Variants in NOX4 observed in about 807,000 individuals in gnomAD.
NOX4 encodes kidney oxidase-1.
A neutral mutation model predicts 87.6 loss-of-function variants in NOX4; 69 were observed. That is an observed-to-expected ratio of 0.79 (90% confidence interval 0.65 to 0.96). The LOEUF (loss-of-function observed/expected upper bound fraction) is 0.96, where lower values mean the gene tolerates loss of function less well. Ranked by LOEUF, NOX4 falls within the 40% of genes least tolerant of loss-of-function variation. NOX4 has a pLI of 0.00. For missense variants in NOX4, 680 were observed against 681.5 expected (o/e 1.00, Z 0.02); for synonymous variants, 275 against 238.2 (o/e 1.15, Z -1.42).
chr11:89,501,757 G>C (rs559652368), upstream of NOX4, among the ~76,000 whole-genome samples: 1 of 152,006 alleles, frequency 6.6e-6, no homozygotes, highest in Non-Finnish European at 1.5e-5. Flanking sequence ...AGGGGGCAAT[G>C]GACGAAGAAA....
chr11:89,549,489 C>G, the NOX4 span, among the ~76,000 whole-genome samples: 1 of 152,172 alleles, frequency 6.6e-6, no homozygotes, highest in African/African-American at 2.4e-5. Flanking sequence ...ACAATAAGTA[C>G]ATTTTAATTT....
chr11:89,428,078 G>A (rs567891875), intron 7 of NOX4, among the ~76,000 whole-genome samples: 3 of 152,154 alleles, frequency 2.0e-5, no homozygotes, highest in Admixed American at 2.0e-4. Context: ...CATTCTTAAA[G>A]AAAAGAATTT....
At chr11:89,437,586 G>T (rs928546146) in intron 6 of NOX4, among the ~76,000 whole-genome samples, 5 of 151,844 alleles carry the variant, frequency 3.3e-5, no homozygotes, top group African/African-American at 9.7e-5. Flanking sequence ...GTGAGAATGG[G>T]CCACCAAAAT....
At chr11:89,445,426 T>G (rs1156855315) in intron 4 of NOX4, among the ~76,000 whole-genome samples, 4 of 152,046 alleles carry the variant, frequency 2.6e-5, no homozygotes, top group African/African-American at 9.7e-5. Context: ...ATTTATAAGG[T>G]CCTTCAAGTA....
intron 2 of NOX4, among the ~76,000 whole-genome samples, chr11:89,455,127 T>C (rs1945131023): frequency 6.6e-6 from 1 of 152,154 alleles, no homozygotes; most frequent in African/African-American, 2.4e-5. Flanking sequence ...TTGCGTTTCA[T>C]CTTCCATCAA....
At chr11:89,466,162 A>C (rs1487499426) in intron 2 of NOX4, among the ~76,000 whole-genome samples, 2 of 152,186 alleles carry the variant, frequency 1.3e-5, no homozygotes, top group African/African-American at 2.4e-5. Flanking sequence ...TTGTTGTTTA[A>C]GCTGCCTAGT....
chr11:89,378,127 C>T (rs1212860324), intron 11 of NOX4, among the ~76,000 whole-genome samples: 2 of 152,148 alleles, frequency 1.3e-5, no homozygotes, highest in African/African-American at 4.8e-5. Context: ...TTTTGTGTCA[C>T]CCTGTGAAAA....
chr11:89,357,480 C>G (rs1010526008), intron 12 of NOX4, among the ~76,000 whole-genome samples: 1 of 151,950 alleles, frequency 6.6e-6, no homozygotes, highest in African/African-American at 2.4e-5. Flanking sequence ...ATAAATAACC[C>G]TTGGTTTTCA....
At chr11:89,392,767 A>G (rs1454546945) in intron 11 of NOX4, among the ~76,000 whole-genome samples, 1 of 152,194 alleles carries the variant, frequency 6.6e-6, no homozygotes, top group East Asian at 1.9e-4. Context: ...TCAAAGGTCT[A>G]CATGACATGA....
At chr11:89,365,113 A>G (rs1441883511) in intron 12 of NOX4, among the ~76,000 whole-genome samples, 1 of 152,048 alleles carries the variant, frequency 6.6e-6, no homozygotes, top group Non-Finnish European at 1.5e-5. Flanking sequence ...GCAGGGTCAT[A>G]TGCCATCTGC....
chr11:89,349,367 T>C (rs1946355742), intron 13 of NOX4, among the ~76,000 whole-genome samples: 1 of 151,894 alleles, frequency 6.6e-6, no homozygotes, highest in Admixed American at 6.6e-5. Context: ...ATTACAGACA[T>C]GCAGATTGAA....
At chr11:89,426,794 G>T (rs1371460078) in intron 7 of NOX4, among the ~76,000 whole-genome samples, 1 of 152,118 alleles carries the variant, frequency 6.6e-6, no homozygotes, top group African/African-American at 2.4e-5. Flanking sequence ...CCACCTCGGG[G>T]GGCAGGGCAT....
chr11:89,497,587 C>T (rs547619530), intron 1 of NOX4, among the ~76,000 whole-genome samples: 2 of 152,096 alleles, frequency 1.3e-5, no homozygotes, highest in Admixed American at 6.6e-5. Flanking sequence ...TTGAGCTCAC[C>T]GAGCACCTTC....
At chr11:89,507,716 TTTACTC>T in the NOX4 span, among the ~76,000 whole-genome samples, 1 of 151,874 alleles carries the variant, frequency 6.6e-6, no homozygotes, top group South Asian at 2.1e-4. Context: ...CATTGACTCT[TTTACTC>T]TTATGTTTCT....
the NOX4 span, among the ~76,000 whole-genome samples, chr11:89,514,567 C>G: frequency 1.3e-5 from 2 of 151,860 alleles, no homozygotes; most frequent in South Asian, 4.1e-4. Flanking sequence ...AACAGATAAC[C>G]TTGTCCTGAT....
chr11:89,331,280 A>G (rs1945458624), intron 17 of NOX4, among the ~76,000 whole-genome samples: 1 of 151,982 alleles, frequency 6.6e-6, no homozygotes, highest in Non-Finnish European at 1.5e-5. Flanking sequence ...AAATATTTGA[A>G]CGAGATGAAA....
At chr11:89,550,156 A>G in the NOX4 span, among the ~76,000 whole-genome samples, 2 of 151,522 alleles carry the variant, frequency 1.3e-5, no homozygotes, top group Non-Finnish European at 2.9e-5. Context: ...CCTCGCCAGT[A>G]TCGGTTGTTT....
the NOX4 span, among the ~76,000 whole-genome samples, chr11:89,551,966 T>A: frequency 3.3e-5 from 5 of 151,886 alleles, no homozygotes; most frequent in African/African-American, 1.2e-4. Flanking sequence ...TAATTTTTAA[T>A]CCAATGATTC....
At chr11:89,523,655 A>T in the NOX4 span, among the ~76,000 whole-genome samples, 1 of 152,216 alleles carries the variant, frequency 6.6e-6, no homozygotes, top group Non-Finnish European at 1.5e-5. Context: ...ACATGTCCAC[A>T]CTAAAAAATT....
Sources: gnomAD v4.1 joint callset for allele counts (sites outside exome capture counted in the v4.1 genomes callset) on GRCh38, gnomAD v4.1.1 for gene constraint, MANE v1.5 for transcripts, NCBI Gene and HGNC (gene_info 2026-07-23, HGNC 2026-07-21) for gene names.